The following TMEM70 variants were observed in gnomAD, a reference collection of about 807,000 sequenced individuals.
TMEM70 encodes the protein transmembrane protein 70.
Under a neutral mutation model 20.5 loss-of-function variants are expected in TMEM70, and 15 were observed. The ratio of observed to expected loss-of-function variants is 0.73; its 90% CI spans 0.49 to 1.13. TMEM70 has a LOEUF of 1.13. TMEM70 is among the 50% of genes most tolerant of loss of function. The probability of loss-of-function intolerance (pLI) is 0.00; values close to 1 mark genes in which losing one functional copy is unlikely to be tolerated. For missense variants in TMEM70, 344 were observed against 331.7 expected, an observed-to-expected ratio of 1.04 and a Z score of -0.29; for synonymous variants, 141 against 134.2, an observed-to-expected ratio of 1.05 and a Z score of -0.35.
chr8:73,979,952 C>T (rs538689253), intron 2 of TMEM70, among the ~76,000 whole-genome samples: 1 of 152,332 alleles, frequency 6.6e-6, no homozygotes, highest in Admixed American at 6.5e-5. Flanking sequence ...AAACTGGTCT[C>T]AAGCAGTCCT....
rs1361171030 is a variant in TMEM70 at position 73,982,761 on chromosome 8, T to C, written c.*1140T>C. On this transcript the variant is annotated 3_prime_UTR_variant, in exon 3 of 3. Coordinates refer to ENST00000312184, the MANE Select transcript of TMEM70 (RefSeq NM_017866.6). ...CACCCTATGGGTGTAGGAAAACCACTGTTATTAAACAGGTGAAAAATACCT... is the reference window on the plus strand; with the variant it reads ...CACCCTATGGGTGTAGGAAAACCACCGTTATTAAACAGGTGAAAAATACCT... The C allele has an allele frequency of 2.2e-6, 1 of 453,432 alleles. No individual in the cohort carries two copies. Among genetic ancestry groups the C allele is most frequent in the Admixed American group, 2.4e-5 (1 of 42,452 alleles). 28.1% of individuals were successfully genotyped at this position (453,432 alleles called of 1,614,324 possible). A position where few individuals can be genotyped will look rare whatever the true frequency, so the allele number is the denominator to read the frequency against.
At position 73,978,928 on chromosome 8, in the gene TMEM70, C is replaced by T; in HGVS notation, c.316+67C>T. The T allele has an allele frequency of 6.4e-6, 10 of 1,574,624 alleles. No individual in the cohort carries two copies. In the South Asian group the frequency reaches 6.8e-5, roughly 11 times the overall value. On this transcript the variant is annotated intron_variant, in intron 2 of 2. Coordinates refer to ENST00000312184, the MANE Select transcript of TMEM70 (RefSeq NM_017866.6). Reference sequence around the variant, plus strand: ...CTTTTAATTGTAAAAATATCCTTACCATATCTTACTTGTTGTTATGGCATC... The same window carrying T: ...CTTTTAATTGTAAAAATATCCTTACTATATCTTACTTGTTGTTATGGCATC...
In TMEM70 at chr8:73,982,225, A is replaced by G. The variant is rs764394748; in HGVS notation, c.*604A>G. 1 of 573,898 alleles carries G rather than the reference A, an allele frequency of 1.7e-6. No homozygotes were observed. The highest frequency in any genetic ancestry group is 1.4e-5 in the South Asian group (1 of 72,528). 35.6% of individuals were successfully genotyped at this position (573,898 alleles called of 1,614,324 possible). A position where few individuals can be genotyped will look rare whatever the true frequency, so the allele number is the denominator to read the frequency against. On this transcript the variant is annotated 3_prime_UTR_variant, in exon 3 of 3. Transcript: ENST00000312184. ...AGTTGCAACGTAAAATCCCTGGATAAGGTGTGTGCTGACTTGATCTGAGGA... is the reference window on the plus strand; with the variant it reads ...AGTTGCAACGTAAAATCCCTGGATAGGGTGTGTGCTGACTTGATCTGAGGA...
Position 73,981,153 on chromosome 8 carries a change from A to G in TMEM70, c.317-2A>G, listed in dbSNP as rs183973249. On this transcript the variant is annotated splice_acceptor_variant, in intron 2 of 2. Coordinates refer to ENST00000312184, the MANE Select transcript of TMEM70 (RefSeq NM_017866.6). LOFTEE classifies it high-confidence loss of function. ...GATCCTCTCTCTTTTTTTCCCATTT[A>G]GGTGTGAAATGTTTCTCTTATTCTA... is the stretch of plus-strand genomic sequence containing the variant. 1.1e-4 allele frequency: 170 copies of G among 1,608,764 alleles called. No individual in the cohort carries two copies. Among genetic ancestry groups the G allele is most frequent in the Admixed American group, 2.5e-4 (15 of 59,898 alleles).
At position 73,981,460 on chromosome 8, in the gene TMEM70, G is replaced by A. The variant is rs1815797114; in HGVS notation, c.622G>A (p.Val208Ile). 1 of 1,614,160 alleles carries A rather than the reference G, an allele frequency of 6.2e-7. No homozygotes were observed. Among genetic ancestry groups the A allele is most frequent in the Non-Finnish European group, 8.5e-7 (1 of 1,180,032 alleles). The change falls in exon 3 of 3, where the codon GTA becomes ATA. Residue 208 changes from valine to isoleucine, a missense_variant. Physicochemically the swap from Val to Ile is conservative, Grantham distance 29. Transcript: ENST00000312184. ...TGTGAAGATTCCAGATGCTAAACAT[G>A]TATTTACCACATTTTATGCTAAAAC... ...NDVKIPDAKH[V>I]FTTFYAKTKS... is the part of the protein sequence containing the mutation.
rs183145328 is a variant in TMEM70, at chr8:73,979,623, T to A, written c.316+762T>A. On this transcript the variant is annotated intron_variant, in intron 2 of 2. Coordinates refer to ENST00000312184, the MANE Select transcript of TMEM70 (RefSeq NM_017866.6). ...GCCATTTTTTAAAAATAATTTTTAT[T>A]TTTTAGAGACAGGGTCTCTGTCATC... Among the ~76,000 whole-genome samples the A allele has an allele frequency of 4.6e-4, 70 of 152,266 alleles. No homozygotes were observed. The East Asian group carries it at 8.7e-3, about 19-fold the overall frequency.
In TMEM70 at chr8:73,981,264, C is replaced by T. The variant is rs772408705; in HGVS notation, c.426C>T (p.Ile142=). Reference sequence around the variant, plus strand: ...AAAGTGTGCCTCTGCCTATTCAAATCATATTCTATGGCATCATGGGAAGCT... The same window carrying T: ...AAAGTGTGCCTCTGCCTATTCAAATTATATTCTATGGCATCATGGGAAGCT... The part of the protein sequence containing the change: ...ISESVPLPIQ[I]IFYGIMGSFT... Residue 142 remains isoleucine (I), a synonymous_variant, in exon 3 of 3, where the codon ATC becomes ATT. Coordinates refer to ENST00000312184, the MANE Select transcript of TMEM70 (RefSeq NM_017866.6). 1.2e-6 allele frequency: 2 copies of T among 1,614,114 alleles called. No individual in the cohort carries two copies. The highest frequency in any genetic ancestry group is 1.3e-5 in the African/African-American group (1 of 75,032).
rs1273582403 is a variant in TMEM70 at position 73,982,699 on chromosome 8, A to G, written c.*1078A>G. On this transcript the variant is annotated 3_prime_UTR_variant, in exon 3 of 3. Coordinates refer to ENST00000312184, the MANE Select transcript of TMEM70 (RefSeq NM_017866.6). ...TAAGTAGTGTTGTCTTCAGTATCTT[A>G]ATTTGTTTCTGCAACTGTGCACTCC... 1 of 457,348 alleles carries G rather than the reference A, an allele frequency of 2.2e-6. No individual in the cohort carries two copies. The highest frequency in any genetic ancestry group is 1.5e-5 in the South Asian group (1 of 64,520). 28.3% of individuals were successfully genotyped at this position (457,348 alleles called of 1,614,324 possible). A position where few individuals can be genotyped will look rare whatever the true frequency, so the allele number is the denominator to read the frequency against.
rs200450167 is a variant in TMEM70, at chr8:73,978,937, CTTG to C, written c.316+82_316+84del. 3.8e-3 allele frequency: 5,926 copies of C among 1,544,860 alleles called. 73 individuals carry two copies. The African/African-American group carries it at 0.046, about 12-fold the overall frequency. ...GTAAAAATATCCTTACCATATCTTA[CTTG>C]TTGTTATGGCATCCCTTAATTACAA... is the stretch of plus-strand genomic sequence containing the variant. On this transcript the variant is annotated intron_variant, in intron 2 of 2. Transcript: ENST00000312184.
At position 73,976,444 on chromosome 8, in the gene TMEM70, G is replaced by C. The variant is rs755465945; in HGVS notation, c.163G>C (p.Gly55Arg). The C allele has an allele frequency of 1.9e-6, 3 of 1,561,758 alleles. No homozygotes were observed. The highest frequency in any genetic ancestry group is 1.4e-5 in the African/African-American group (1 of 74,044). Residue 55 changes from glycine (G) to arginine (R), a missense_variant, in exon 1 of 3, where the codon GGG (glycine) becomes CGG (arginine). By Grantham distance (125) the Gly-to-Arg change is moderately radical (BLOSUM62 -2). Transcript: ENST00000312184. ...PSGPVAGWST[G>R]PSGAARLLRR... ...GGGGCCGGTAGCCGGCTGGAGTACG[G>C]GGCCTTCGGGAGCCGCGCGCCTTCT...
chr8:73,976,349 T>G lies in TMEM70; in HGVS notation c.68T>G (p.Leu23Trp), dbSNP rs1378455412. 1 of 1,599,930 alleles carries G rather than the reference T, an allele frequency of 6.3e-7. No individual in the cohort carries two copies. Among genetic ancestry groups the G allele is most frequent in the South Asian group, 1.1e-5 (1 of 90,888 alleles). The change falls in exon 1 of 3, where the codon TTG (leucine) becomes TGG (tryptophan). Residue 23 changes from leucine (L) to tryptophan (W), a missense_variant. By Grantham distance (61) the Leu-to-Trp change is moderately conservative. Coordinates refer to ENST00000312184, the MANE Select transcript of TMEM70 (RefSeq NM_017866.6). ...CCTCTCTGCGGAAGGAGGACTGCAT[T>G]GTGTGCGGCCGCCGCGCTCCGAGGT... ...ELPLCGRRTALCAAAALRGPR... is the reference protein window; with the variant it reads ...ELPLCGRRTAWCAAAALRGPR...
chr8:73,981,913 C>G lies in TMEM70; in HGVS notation c.*292C>G, dbSNP rs1238356619. 1 of 539,436 alleles carries G rather than the reference C, an allele frequency of 1.9e-6. No homozygotes were observed. The highest frequency in any genetic ancestry group is 3.5e-6 in the Non-Finnish European group (1 of 283,868). 33.4% of individuals were successfully genotyped at this position (539,436 alleles called of 1,614,324 possible). A position where few individuals can be genotyped will look rare whatever the true frequency, so the allele number is the denominator to read the frequency against. On this transcript the variant is annotated 3_prime_UTR_variant, in exon 3 of 3. Transcript: ENST00000312184. ...TAAACTGGGGATCTGATGTCAGTAGCAAATGGGAGAGTTGCTTTATTCTTT... is the reference window on the plus strand; with the variant it reads ...TAAACTGGGGATCTGATGTCAGTAGGAAATGGGAGAGTTGCTTTATTCTTT...
At chr8:73,977,693 G>A (rs1815686446) in intron 1 of TMEM70, among the ~76,000 whole-genome samples, 1 of 152,060 alleles carries the variant, frequency 6.6e-6, no homozygotes, top group African/African-American at 2.4e-5. Flanking sequence ...TCTTAGAGAT[G>A]GGGTCTTGCC....
rs768600613 is a variant in TMEM70 at position 73,982,259 on chromosome 8, A to G, written c.*638A>G. 3 of 597,850 alleles carry G rather than the reference A, an allele frequency of 5.0e-6. No homozygotes were observed. The highest frequency in any genetic ancestry group is 3.6e-5 in the African/African-American group (2 of 54,900). 37.0% of individuals were successfully genotyped at this position (597,850 alleles called of 1,614,324 possible). A position where few individuals can be genotyped will look rare whatever the true frequency, so the allele number is the denominator to read the frequency against. On this transcript the variant is annotated 3_prime_UTR_variant, in exon 3 of 3. Coordinates refer to ENST00000312184, the MANE Select transcript of TMEM70 (RefSeq NM_017866.6). Reference sequence around the variant, plus strand: ...CTGACTTGATCTGAGGAGCAAAGGAAAAGAATCAGTGAAAGGACCAGTTTG... The same window carrying G: ...CTGACTTGATCTGAGGAGCAAAGGAGAAGAATCAGTGAAAGGACCAGTTTG...
chr8:73,977,165 T>G (rs1184576942), intron 1 of TMEM70, among the ~76,000 whole-genome samples: 1 of 152,184 alleles, frequency 6.6e-6, no homozygotes, highest in East Asian at 1.9e-4. Flanking sequence ...AAATTTGATG[T>G]AGGATTTCAA....
intron 2 of TMEM70, 55 bp from the exon 3 acceptor site, chr8:73,981,096 AGATT>A (rs1258486868): frequency 1.3e-5 from 18 of 1,384,546 alleles, no homozygotes; most frequent in Non-Finnish European, 1.7e-5. Flanking sequence ...TTAGTGGGAT[AGATT>A]GATTCTTTTA....
At chr8:73,977,276 G>C (rs908104397) in intron 1 of TMEM70, among the ~76,000 whole-genome samples, 11 of 152,240 alleles carry the variant, frequency 7.2e-5, no homozygotes, top group African/African-American at 2.6e-4. Flanking sequence ...CCGCCTTCCG[G>C]GTTCAAGCGA....
rs1266542085 is a variant in TMEM70 at position 73,982,485 on chromosome 8, T to C, written c.*864T>C. ...ATTGCAAATGCTTAAGTCAACTGTT[T>C]TCATAAATTGATTACCAGTTGTTAA... is the stretch of plus-strand genomic sequence containing the variant. On this transcript the variant is annotated 3_prime_UTR_variant, in exon 3 of 3. Transcript: ENST00000312184. 2.9e-6 allele frequency: 2 copies of C among 694,690 alleles called. No homozygotes were observed. The highest frequency in any genetic ancestry group is 5.2e-6 in the Non-Finnish European group (2 of 387,298). 43.0% of individuals were successfully genotyped at this position (694,690 alleles called of 1,614,324 possible). A position where few individuals can be genotyped will look rare whatever the true frequency, so the allele number is the denominator to read the frequency against.
At position 73,976,416 on chromosome 8, in the gene TMEM70, T is replaced by C; in HGVS notation, c.135T>C (p.Pro45=). 1 of 1,580,124 alleles carries C rather than the reference T, an allele frequency of 6.3e-7. No individual in the cohort carries two copies. The highest frequency in any genetic ancestry group is 8.5e-7 in the Non-Finnish European group (1 of 1,170,758). ...CCCGGGCGTCCTCCAGCAGCGGGCC[T>C]TCGGGGCCGGTAGCCGGCTGGAGTA... ...SVSRASSSSG[P]SGPVAGWSTG... Residue 45 remains proline (P), a synonymous_variant, in exon 1 of 3, where the codon CCT becomes CCC. Coordinates refer to ENST00000312184, the MANE Select transcript of TMEM70 (RefSeq NM_017866.6).
Sources: allele counts gnomAD v4.1 joint callset (sites outside exome capture counted in the v4.1 genomes callset), GRCh38; gene constraint gnomAD v4.1.1; transcripts MANE v1.5; gene names NCBI Gene and HGNC (gene_info 2026-07-23, HGNC 2026-07-21).